BEND5: variants seen among roughly 807,000 people sequenced by gnomAD.
BEND5 encodes the protein BEN domain-containing protein 5.
In BEND5, 22 loss-of-function variants were observed where a neutral mutation model predicts 43.9. That is an observed-to-expected ratio of 0.50 (90% CI 0.36 to 0.72). The LOEUF (loss-of-function observed/expected upper bound fraction) is 0.72, where lower values mean the gene tolerates loss of function less well. BEND5 is among the 30% of genes least tolerant of loss of function. The pLI, the probability that BEND5 is intolerant of heterozygous loss-of-function variation, is 0.00. For synonymous variants in BEND5, 228 were observed against 225.9 expected (o/e 1.01, Z -0.08); for missense variants, 428 against 550.6 (o/e 0.78, Z 2.23).
At chr1:48,765,406 A>G (rs1047806210) in intron 1 of BEND5, among the ~76,000 whole-genome samples, 5 of 152,332 alleles carry the variant, frequency 3.3e-5, no homozygotes, top group Middle Eastern at 6.8e-3. Context: ...AATCAAAAAT[A>G]AAAGGAAAAT....
rs1173834135 is a variant in BEND5, at chr1:48,774,533, T to C, written c.226+2073A>G. 2.0e-5 allele frequency among the ~76,000 whole-genome samples: 3 copies of C among 152,228 alleles called. 1 individual carries two copies. The highest frequency in any genetic ancestry group is 3.8e-4 in the East Asian group (2 of 5,200). ...GAAGAGAGGTAAGGGGAAGTGTTTTTCAACTAATTCAAACTGGCACACTTC... is the reference window on the plus strand; with the variant it reads ...GAAGAGAGGTAAGGGGAAGTGTTTTCCAACTAATTCAAACTGGCACACTTC... On this transcript the variant is annotated intron_variant, in intron 1 of 5. Coordinates refer to ENST00000371833, the MANE Select transcript of BEND5 (RefSeq NM_024603.4).
chr1:48,773,869 G>A (rs1044948913), intron 1 of BEND5, among the ~76,000 whole-genome samples: 1 of 152,210 alleles, frequency 6.6e-6, no homozygotes, highest in East Asian at 1.9e-4. Flanking sequence ...CAGAGATAAT[G>A]TGTAGGCATA....
chr1:48,727,780 G>A lies in BEND5; in HGVS notation c.*106C>T. ...TGACCCCAGAACCCGATGGATCCCT[G>A]CACACACACCACCATGCACGGTGGG... On this transcript the variant is annotated 3_prime_UTR_variant, in exon 6 of 6. Coordinates refer to ENST00000371833, the MANE Select transcript of BEND5 (RefSeq NM_024603.4). The A allele has an allele frequency of 4.5e-6, 5 of 1,118,552 alleles. No homozygotes were observed. The highest frequency in any genetic ancestry group is 5.2e-6 in the Non-Finnish European group (4 of 769,582). 69.3% of individuals were successfully genotyped at this position (1,118,552 alleles called of 1,614,324 possible). A position where few individuals can be genotyped will look rare whatever the true frequency, so the allele number is the denominator to read the frequency against.
Position 48,758,812 on chromosome 1 carries a change from C to A in BEND5, c.745+88G>T, listed in dbSNP as rs74724453. The A allele has an allele frequency of 5.4e-3, 6,727 of 1,244,638 alleles. 244 individuals are homozygous for A. The African/African-American group carries it at 0.091, about 17-fold the overall frequency. 77.1% of individuals were successfully genotyped at this position (1,244,638 alleles called of 1,614,324 possible). ...CTTCCCTAGCCTCAGGGCACTTGGT[C>A]TCCCTCTCCCCTTTCCCTTCCTGGA... On this transcript the variant is annotated intron_variant, in intron 3 of 5. Transcript: ENST00000371833.
At chr1:48,734,239 C>T (rs966273752) in intron 5 of BEND5, among the ~76,000 whole-genome samples, 1 of 152,152 alleles carries the variant, frequency 6.6e-6, no homozygotes, top group South Asian at 2.1e-4. Flanking sequence ...CAGAACAAGC[C>T]CCAGACCAGA....
Position 48,763,090 on chromosome 1 carries a change from G to C in BEND5, c.227-1620C>G, listed in dbSNP as rs1052520929. Among the ~76,000 whole-genome samples, 16 of 113,412 alleles carry C rather than the reference G, an allele frequency of 1.4e-4. No individual in the cohort carries two copies. In the Admixed American group the frequency reaches 1.4e-3, roughly 10 times the overall value. The allele number at this position is 113,412 out of a possible 152,430, so 74.4% of individuals were successfully genotyped here. ...TTCTCTTAAGCATAAAGTGAATAGA[G>C]ATTTAATTAAAACAACAACAACAAC... On this transcript the variant is annotated intron_variant, in intron 1 of 5. Coordinates refer to ENST00000371833, the MANE Select transcript of BEND5 (RefSeq NM_024603.4).
At chr1:48,770,776 T>C (rs1188058854) in intron 1 of BEND5, among the ~76,000 whole-genome samples, 1 of 152,210 alleles carries the variant, frequency 6.6e-6, no homozygotes, top group Non-Finnish European at 1.5e-5. Context: ...ATCATCATCA[T>C]ACACATTATT....
chr1:48,767,295 A>C (rs1366864198), intron 1 of BEND5, among the ~76,000 whole-genome samples: 1 of 152,190 alleles, frequency 6.6e-6, no homozygotes, highest in Non-Finnish European at 1.5e-5. Context: ...GTGCATGTAA[A>C]AGCACCAAGC....
intron 2 of BEND5, 58 bp from the exon 3 acceptor site, chr1:48,759,342 C>T: frequency 1.3e-6 from 2 of 1,519,756 alleles, no homozygotes; most frequent in Non-Finnish European, 8.8e-7. Flanking sequence ...TCTTGGACTG[C>T]AGATCAATAT....
rs190780488 is a variant in BEND5, at chr1:48,755,302, C to A, written c.745+3598G>T. On this transcript the variant is annotated intron_variant, in intron 3 of 5. Transcript: ENST00000371833. ...ATCTACCATTCGTAGGACCCCACTACCTCGGTGAGTAAATAATGATTCTTC... is the reference window on the plus strand; with the variant it reads ...ATCTACCATTCGTAGGACCCCACTAACTCGGTGAGTAAATAATGATTCTTC... Among the ~76,000 whole-genome samples the A allele has an allele frequency of 2.6e-5, 4 of 152,292 alleles. No individual in the cohort carries two copies. The East Asian group carries it at 7.7e-4, about 29-fold the overall frequency.
intron 5 of BEND5, among the ~76,000 whole-genome samples, chr1:48,730,854 T>C (rs537221682): frequency 6.6e-6 from 1 of 152,278 alleles, no homozygotes; most frequent in South Asian, 2.1e-4. Flanking sequence ...TGAGGCTCAT[T>C]TAGAAAACTC....
intron 5 of BEND5, among the ~76,000 whole-genome samples, chr1:48,732,837 G>T (rs1648363413): frequency 6.6e-6 from 1 of 152,210 alleles, no homozygotes; most frequent in African/African-American, 2.4e-5. Context: ...GGTAGGATCA[G>T]CGAGAAGATG....
intron 5 of BEND5, among the ~76,000 whole-genome samples, chr1:48,733,260 G>A (rs765692211): frequency 3.3e-5 from 5 of 152,170 alleles, no homozygotes; most frequent in Non-Finnish European, 7.3e-5. Context: ...TAGAGCAGGA[G>A]CATAACTGAA....
At chr1:48,745,987 C>G (rs991292649) in intron 3 of BEND5, among the ~76,000 whole-genome samples, 2 of 152,096 alleles carry the variant, frequency 1.3e-5, no homozygotes, top group Admixed American at 6.6e-5. Flanking sequence ...TTGAGGACAG[C>G]CAAGGACCGT....
At chr1:48,749,594 C>T (rs1231289071) in intron 3 of BEND5, among the ~76,000 whole-genome samples, 1 of 152,184 alleles carries the variant, frequency 6.6e-6, no homozygotes, top group Non-Finnish European at 1.5e-5. Context: ...TTGCCTAATG[C>T]TCACTCTGTG....
intron 4 of BEND5, 129 bp downstream of exon 4, chr1:48,742,494 C>T (rs1411852906): frequency 6.4e-6 from 6 of 931,472 alleles, no homozygotes; most frequent in Non-Finnish European, 8.8e-6. Flanking sequence ...ATTCCAGAAA[C>T]AGTCATTCAG....
intron 1 of BEND5, among the ~76,000 whole-genome samples, chr1:48,764,495 A>G (rs1225125367): frequency 6.6e-6 from 1 of 152,294 alleles, no homozygotes; most frequent in African/African-American, 2.4e-5. Context: ...AAGGGGGGGA[A>G]ATATTTGGAT....
chr1:48,736,526 A>G lies in BEND5; in HGVS notation c.895-74T>C. 1 of 1,281,090 alleles carries G rather than the reference A, an allele frequency of 7.8e-7. No individual in the cohort carries two copies. The highest frequency in any genetic ancestry group is 1.3e-5 in the South Asian group (1 of 79,890). 79.4% of individuals were successfully genotyped at this position (1,281,090 alleles called of 1,614,324 possible). On this transcript the variant is annotated intron_variant, in intron 4 of 5. Transcript: ENST00000371833. The surrounding 1 kb of genome is among the most constrained non-coding windows in gnomAD (Gnocchi z 4.0). ...GTGGGAGGCTTCTCTTGTCCTTTAA[A>G]AAGCATTGCTGCACAACTGTAAGAG...
rs140009894 is a variant in BEND5 at position 48,731,293 on chromosome 1, A to G, written c.1109-3250T>C. 3.1e-3 allele frequency among the ~76,000 whole-genome samples: 473 copies of G among 152,268 alleles called. 3 individuals carry two copies. The highest frequency in any genetic ancestry group is 0.011 in the East Asian group (57 of 5,182). ...TTAGTAAAAAAAAAAAATCAACATT[A>G]TATTTCAGTAATACAAGAAACCTCT... On this transcript the variant is annotated intron_variant, in intron 5 of 5. Transcript: ENST00000371833.
Sources: allele counts gnomAD v4.1 joint callset (sites outside exome capture counted in the v4.1 genomes callset), GRCh38; gene constraint gnomAD v4.1.1; non-coding constraint Gnocchi (gnomAD v3.1); transcripts MANE v1.5; gene names NCBI Gene and HGNC (gene_info 2026-07-23, HGNC 2026-07-21).